Variants in DAB1 observed in about 807,000 individuals in gnomAD.
DAB1 encodes DAB adaptor protein 1, also known as disabled homolog 1.
A neutral mutation model predicts 64.6 loss-of-function variants in DAB1; 15 were observed. That is an observed-to-expected ratio of 0.23 (90% CI 0.16 to 0.36). The LOEUF (loss-of-function observed/expected upper bound fraction) is 0.36. Ranked by LOEUF, DAB1 falls within the 10% of genes least tolerant of loss-of-function variation. The pLI is 1.00. For missense variants in DAB1, 596 were observed against 706.7 expected, an observed-to-expected ratio of 0.84 and a Z score of 1.78; for synonymous variants, 235 against 251.9, an observed-to-expected ratio of 0.93 and a Z score of 0.64.
At chr1:57,305,968 C>CAAAAAAAA (rs1048177276) in intron 1 of DAB1, among the ~76,000 whole-genome samples, 2 of 62,278 alleles carry the variant, frequency 3.2e-5, no homozygotes, top group African/African-American at 6.7e-5. Context: ...GACTCCGTCT[C>CAAAAAAAA]AAAAAAAAAA....
intron 4 of DAB1, among the ~76,000 whole-genome samples, chr1:57,127,032 T>C (rs905060325): frequency 4.6e-5 from 7 of 152,224 alleles, no homozygotes; most frequent in African/African-American, 1.7e-4. Context: ...CAAAGAATCA[T>C]CATAGCAGTG....
intron 4 of DAB1, among the ~76,000 whole-genome samples, chr1:58,209,702 G>A (rs527313255): frequency 1.3e-5 from 2 of 152,256 alleles, no homozygotes; most frequent in African/African-American, 4.8e-5. Context: ...TGCATATTGA[G>A]TGTATTTTTC....
chr1:57,732,127 C>T (rs1445940016), intron 6 of DAB1, among the ~76,000 whole-genome samples: 1 of 152,126 alleles, frequency 6.6e-6, no homozygotes, highest in Non-Finnish European at 1.5e-5. Flanking sequence ...TTGGGAAGAA[C>T]AGTGGTGGTG....
At chr1:57,403,140 C>G (rs1465771756) in intron 1 of DAB1, among the ~76,000 whole-genome samples, 1 of 152,172 alleles carries the variant, frequency 6.6e-6, no homozygotes, top group Non-Finnish European at 1.5e-5. Flanking sequence ...GGTCCAGTCC[C>G]GGCCATTGAG....
At chr1:58,185,978 C>T (rs1454016352) in intron 4 of DAB1, among the ~76,000 whole-genome samples, 2 of 152,162 alleles carry the variant, frequency 1.3e-5, no homozygotes, top group Admixed American at 6.6e-5. Flanking sequence ...TTCTAACTTG[C>T]CTTCTGTTCT....
At chr1:58,132,139 G>A (rs1653638303) in intron 5 of DAB1, among the ~76,000 whole-genome samples, 1 of 152,198 alleles carries the variant, frequency 6.6e-6, no homozygotes, top group Non-Finnish European at 1.5e-5. Context: ...CTCCAAGCCA[G>A]GTGCAGGAGA....
At chr1:57,493,752 C>T (rs1483362468) in intron 7 of DAB1, among the ~76,000 whole-genome samples, 4 of 135,934 alleles carry the variant, frequency 2.9e-5, no homozygotes, top group East Asian at 2.0e-4. Flanking sequence ...GGCAGGCTGA[C>T]GTATTCACAG....
chr1:57,879,355 T>C (rs1376560024), intron 1 of DAB1, among the ~76,000 whole-genome samples: 1 of 152,158 alleles, frequency 6.6e-6, no homozygotes, highest in Non-Finnish European at 1.5e-5. Context: ...AGGCCACATG[T>C]TGAAGATGAT....
intron 1 of DAB1, among the ~76,000 whole-genome samples, chr1:57,853,862 T>G (rs852798): frequency 0.58 from 88,051 of 151,970 alleles, 25,618 homozygotes; most frequent in Admixed American, 0.64. Flanking sequence ...CATTTCAAAG[T>G]TTATTTTCTG....
chr1:58,256,782 C>A (rs984549174), intron 4 of DAB1, among the ~76,000 whole-genome samples: 16 of 152,240 alleles, frequency 1.1e-4, no homozygotes, highest in African/African-American at 3.9e-4. Context: ...AAACATTTGA[C>A]AAATGAACGA....
intron 1 of DAB1, among the ~76,000 whole-genome samples, chr1:57,301,716 C>G (rs984041893): frequency 6.6e-6 from 1 of 152,126 alleles, no homozygotes; most frequent in Non-Finnish European, 1.5e-5. Context: ...AGAACAGAAC[C>G]GACACCTGTA....
At chr1:58,068,564 G>C (rs1377553640) in intron 5 of DAB1, among the ~76,000 whole-genome samples, 1 of 151,990 alleles carries the variant, frequency 6.6e-6, no homozygotes, top group African/African-American at 2.4e-5. Context: ...AGGAGATCGA[G>C]ACCATCCTGG....
At chr1:57,539,483 G>A (rs1191616415) in intron 7 of DAB1, among the ~76,000 whole-genome samples, 1 of 152,198 alleles carries the variant, frequency 6.6e-6, no homozygotes, top group Non-Finnish European at 1.5e-5. Flanking sequence ...GTCACTGCAT[G>A]TGTAACTGAC....
intron 14 of DAB1, among the ~76,000 whole-genome samples, chr1:56,999,952 C>T (rs1645784205): frequency 6.6e-6 from 1 of 152,054 alleles, no homozygotes; most frequent in African/African-American, 2.4e-5. Context: ...AAGTACAATC[C>T]TTCGTCCAAA....
Position 57,299,227 on chromosome 1 carries a change from T to G in DAB1, c.-136-8061A>C, listed in dbSNP as rs145367848. Among the ~76,000 whole-genome samples, 33 of 152,356 alleles carry G rather than the reference T, an allele frequency of 2.2e-4. No individual in the cohort carries two copies. In the East Asian group the frequency reaches 6.4e-3, roughly 29 times the overall value. ...ACAGTATCTGATGGTCTAACTTTTC[T>G]AAGGTAAAATCTTGAATTAAACAAA... On this transcript the variant is annotated intron_variant, in intron 1 of 14. Transcript: ENST00000371236.
chr1:57,293,025 T>G (rs1672904874), intron 1 of DAB1, among the ~76,000 whole-genome samples: 1 of 151,672 alleles, frequency 6.6e-6, no homozygotes, highest in East Asian at 1.9e-4. Flanking sequence ...AATAATTGTA[T>G]GTAGAATGAA....
chr1:57,569,031 G>A (rs1290803542), intron 7 of DAB1, among the ~76,000 whole-genome samples: 1 of 151,678 alleles, frequency 6.6e-6, no homozygotes, highest in Non-Finnish European at 1.5e-5. Flanking sequence ...GGCCGAGGCG[G>A]GCGGATCACG....
At chr1:58,380,951 C>T (rs554401498) in intron 3 of DAB1, among the ~76,000 whole-genome samples, 2 of 152,286 alleles carry the variant, frequency 1.3e-5, no homozygotes, top group East Asian at 3.9e-4. Flanking sequence ...CCATGGAATA[C>T]TATGCACCCA....
chr1:57,069,177 T>A (rs1651211177), intron 8 of DAB1, among the ~76,000 whole-genome samples, 183 bp downstream of exon 8: 3 of 152,206 alleles, frequency 2.0e-5, no homozygotes, highest in Non-Finnish European at 1.5e-5. Context: ...AACTAGCTAT[T>A]AAACATCAAC....
Sources: gnomAD v4.1 joint callset for allele counts (sites outside exome capture counted in the v4.1 genomes callset) on GRCh38, gnomAD v4.1.1 for gene constraint, MANE v1.5 for transcripts, NCBI Gene and HGNC (gene_info 2026-07-23, HGNC 2026-07-21) for gene names.